CPNE8: variants seen among roughly 807,000 people sequenced by gnomAD.
CPNE8 encodes the protein copine-8.
CPNE8 carries 45 observed loss-of-function variants against 81.5 expected under a neutral mutation model. That is an observed-to-expected ratio of 0.55 (90% CI 0.44 to 0.71). The LOEUF (loss-of-function observed/expected upper bound fraction) is 0.71. Ranked by LOEUF, CPNE8 falls within the 30% of genes least tolerant of loss-of-function variation. The pLI is 0.00. For synonymous variants in CPNE8, 252 were observed against 226.3 expected (o/e 1.11, Z -1.02); for missense variants, 594 against 672.1 (o/e 0.88, Z 1.28).
At chr12:38,690,349 C>T (rs973086483) in intron 15 of CPNE8, among the ~76,000 whole-genome samples, 2 of 152,108 alleles carry the variant, frequency 1.3e-5, no homozygotes, top group African/African-American at 4.8e-5. Flanking sequence ...TACTATCTCA[C>T]TAAAGACCTA....
chr12:38,840,935 A>T (rs1943459968), intron 4 of CPNE8, among the ~76,000 whole-genome samples: 1 of 152,188 alleles, frequency 6.6e-6, no homozygotes, highest in South Asian at 2.1e-4. Context: ...TACTGACTAC[A>T]GTCTTTCTCC....
chr12:38,890,918 T>C (rs1317080799), intron 1 of CPNE8, among the ~76,000 whole-genome samples: 1 of 148,980 alleles, frequency 6.7e-6, no homozygotes, highest in Admixed American at 6.7e-5. Context: ...TATATGTATA[T>C]ATATAAAATA....
At chr12:38,764,632 A>AAAAAAAAAAAAAAG in intron 8 of CPNE8, among the ~76,000 whole-genome samples, 1 of 150,128 alleles carries the variant, frequency 6.7e-6, no homozygotes, top group Admixed American at 6.6e-5. Context: ...AAAAAAAAAA[A>AAAAAAAAAAAAAAG]AAAAAAAGAA....
chr12:38,728,469 C>T (rs931383251), intron 11 of CPNE8, among the ~76,000 whole-genome samples: 5 of 152,038 alleles, frequency 3.3e-5, no homozygotes, highest in African/African-American at 7.2e-5. Context: ...AAGGGTTCGA[C>T]GGAACATTTG....
chr12:38,884,901 C>T (rs1304689313), intron 1 of CPNE8, among the ~76,000 whole-genome samples: 1 of 152,088 alleles, frequency 6.6e-6, no homozygotes, highest in East Asian at 1.9e-4. Context: ...ACTTCCAATG[C>T]TAACTCCCCA....
intron 3 of CPNE8, among the ~76,000 whole-genome samples, chr12:38,872,305 T>C (rs1041607757): frequency 6.6e-6 from 1 of 152,178 alleles, no homozygotes; most frequent in Non-Finnish European, 1.5e-5. Context: ...GACACAGTGG[T>C]AAAATGACTG....
At chr12:38,756,589 G>T (rs1378749006) in intron 10 of CPNE8, among the ~76,000 whole-genome samples, 1 of 152,044 alleles carries the variant, frequency 6.6e-6, no homozygotes, top group African/African-American at 2.4e-5. Flanking sequence ...ATATTTGACT[G>T]ACATATTCTC....
intron 14 of CPNE8, among the ~76,000 whole-genome samples, chr12:38,695,741 C>A (rs1939778957): frequency 6.6e-6 from 1 of 152,116 alleles, no homozygotes; most frequent in Non-Finnish European, 1.5e-5. Context: ...GAGTTTGCAA[C>A]CAGCCTGGCC....
chr12:38,768,969 C>T (rs1447616508), intron 7 of CPNE8, among the ~76,000 whole-genome samples: 1 of 152,212 alleles, frequency 6.6e-6, no homozygotes, highest in Non-Finnish European at 1.5e-5. Context: ...CTTTATCTTA[C>T]AGAGTCCAGC....
In CPNE8 at chr12:38,675,566, A is replaced by G. The variant is rs537381857; in HGVS notation, c.1432+151T>C. 9 of 582,608 alleles carry G rather than the reference A, an allele frequency of 1.5e-5. No homozygotes were observed. The East Asian group carries it at 2.6e-4, about 17-fold the overall frequency. The allele number at this position is 582,608 out of a possible 1,614,324, so 36.1% of individuals were successfully genotyped here. On this transcript the variant is annotated intron_variant, in intron 18 of 19. Coordinates refer to ENST00000331366, the MANE Select transcript of CPNE8 (RefSeq NM_153634.3). ...AGACATCATCATGAGCTATCTATGT[A>G]TATGTCTAATTATGGACACATGAAC... is the stretch of plus-strand genomic sequence containing the variant.
intron 15 of CPNE8, among the ~76,000 whole-genome samples, chr12:38,693,096 G>C (rs1226904084): frequency 1.3e-5 from 2 of 152,162 alleles, no homozygotes; most frequent in Non-Finnish European, 2.9e-5. Context: ...AGCTATCCAA[G>C]CTCAGGCCCA....
intron 5 of CPNE8, among the ~76,000 whole-genome samples, chr12:38,835,601 A>G (rs536904046): frequency 6.6e-6 from 1 of 152,288 alleles, no homozygotes; most frequent in South Asian, 2.1e-4. Flanking sequence ...ATATGAATAT[A>G]TATTAATACT....
chr12:38,816,631 C>A (rs927224786), intron 6 of CPNE8, among the ~76,000 whole-genome samples: 1 of 152,104 alleles, frequency 6.6e-6, no homozygotes, highest in African/African-American at 2.4e-5. Flanking sequence ...CACTCTAATA[C>A]CAGAAAAACT....
chr12:38,677,247 A>G (rs1051692259), intron 17 of CPNE8, among the ~76,000 whole-genome samples: 1 of 152,120 alleles, frequency 6.6e-6, no homozygotes, highest in African/African-American at 2.4e-5. Context: ...ATTTTTTTTA[A>G]CTAAAATAAT....
intron 19 of CPNE8, among the ~76,000 whole-genome samples, chr12:38,655,682 G>A (rs1302972209): frequency 6.6e-6 from 1 of 152,072 alleles, no homozygotes; most frequent in African/African-American, 2.4e-5. Flanking sequence ...CATTTAAAAT[G>A]ATCAGGTTGC....
Position 38,677,489 on chromosome 12 carries a change from A to C in CPNE8, c.1337T>G (p.Ile446Ser). The change falls in exon 17 of 20, where the codon ATC (isoleucine) becomes AGC (serine). Residue 446 changes from isoleucine to serine, a missense_variant. Coordinates refer to ENST00000331366, the MANE Select transcript of CPNE8 (RefSeq NM_153634.3). ...CTCCTTAGTCTGGGCCATATCTGAG[A>C]TAACACCATCTGTAACAATCAGAAG... is the stretch of plus-strand genomic sequence containing the variant. ...FVLLIVTDGV[I>S]SDMAQTKESI... 6.2e-7 allele frequency: 1 copy of C among 1,612,498 alleles called. No homozygotes were observed. Among genetic ancestry groups the C allele is most frequent in the Non-Finnish European group, 8.5e-7 (1 of 1,178,784 alleles).
chr12:38,710,639 A>G (rs1940232820), intron 13 of CPNE8, among the ~76,000 whole-genome samples: 2 of 151,986 alleles, frequency 1.3e-5, no homozygotes. Context: ...TCATGCTAAC[A>G]CTCTCCTCTG....
In CPNE8 at chr12:38,829,416, C is replaced by T. The variant is rs749251000; in HGVS notation, c.370G>A (p.Val124Ile). Reference protein sequence around the residue: ...GQVFCTLGEIVGSQGSRLEKP... With the variant: ...GQVFCTLGEIIGSQGSRLEKP... ...TCCAGGCGACTTCCCTGTGAACCAA[C>T]GATCTCTCCCAATGTACAAAACACT... The change falls in exon 6 of 20, where the codon GTT (valine) becomes ATT (isoleucine). Residue 124 changes from valine (V) to isoleucine (I), a missense_variant. Transcript: ENST00000331366. 2.4e-5 allele frequency: 38 copies of T among 1,613,136 alleles called. No individual in the cohort carries two copies. Among genetic ancestry groups the T allele is most frequent in the Admixed American group, 1.2e-4 (7 of 59,984 alleles).
intron 10 of CPNE8, among the ~76,000 whole-genome samples, chr12:38,752,209 C>T (rs538095660): frequency 6.6e-6 from 1 of 152,086 alleles, no homozygotes; most frequent in African/African-American, 2.4e-5. Flanking sequence ...GAGTTGGCAA[C>T]TGATTGGATT....
Sources: gnomAD v4.1 joint callset for allele counts (sites outside exome capture counted in the v4.1 genomes callset) on GRCh38, gnomAD v4.1.1 for gene constraint, MANE v1.5 for transcripts, NCBI Gene and HGNC (gene_info 2026-07-23, HGNC 2026-07-21) for gene names.